DCAF7: variants seen among roughly 807,000 people sequenced by gnomAD.
DCAF7 encodes DDB1- and CUL4-associated factor 7.
A neutral mutation model predicts 41.2 loss-of-function variants in DCAF7; 4 were observed. That is an observed-to-expected ratio of 0.10 (90% CI 0.05 to 0.22). The LOEUF (loss-of-function observed/expected upper bound fraction) is 0.22. Ranked by LOEUF, DCAF7 falls within the 10% of genes least tolerant of loss-of-function variation. The pLI is 1.00. For missense variants in DCAF7, 131 were observed against 443.2 expected (o/e 0.30, Z 6.32); for synonymous variants, 143 against 164.2 (o/e 0.87, Z 0.99).
intron 1 of DCAF7, among the ~76,000 whole-genome samples, chr17:63,568,142 T>C (rs1032847545): frequency 6.6e-6 from 1 of 152,158 alleles, no homozygotes; most frequent in Non-Finnish European, 1.5e-5. Context: ...TGCCTCAGCC[T>C]CCCAAGTAGC....
At chr17:63,570,349 G>T (rs1030835955) in intron 1 of DCAF7, among the ~76,000 whole-genome samples, 3 of 152,014 alleles carry the variant, frequency 2.0e-5, no homozygotes, top group African/African-American at 4.8e-5. Flanking sequence ...AGCTACTCGG[G>T]AGGCTGAGGC....
Position 63,589,272 on chromosome 17 carries a change from C to A in DCAF7, c.*100C>A. On this transcript the variant is annotated 3_prime_UTR_variant, in exon 7 of 7. Coordinates refer to ENST00000614556, the MANE Select transcript of DCAF7 (RefSeq NM_005828.5). ...AACATGTTTCCAGTGGCCAGTATGT[C>A]TTTCATTGCTTTGCACCCACTGTTA... 6.8e-7 allele frequency: 1 copy of A among 1,472,294 alleles called. No homozygotes were observed. The allele number at this position is 1,472,294 out of a possible 1,614,324, so 91.2% of individuals were successfully genotyped here.
chr17:63,570,225 A>T (rs2033490854), intron 1 of DCAF7, among the ~76,000 whole-genome samples: 1 of 151,930 alleles, frequency 6.6e-6, no homozygotes. Flanking sequence ...AGGCCAATGC[A>T]GGCAGATTGC....
Position 63,575,305 on chromosome 17 carries a change from G to A in DCAF7, c.139-3165G>A, listed in dbSNP as rs187167687. Among the ~76,000 whole-genome samples, 19 of 152,302 alleles carry A rather than the reference G, an allele frequency of 1.2e-4. No individual in the cohort carries two copies. The East Asian group carries it at 3.5e-3, about 28-fold the overall frequency. On this transcript the variant is annotated intron_variant, in intron 1 of 6. Transcript: ENST00000614556. ...GAGATCATGCCCCTACACTCCAGCT[G>A]AGGCGACAGAGCGAGACTCAGTCTC...
chr17:63,551,752 G>A (rs1039946371), intron 1 of DCAF7, among the ~76,000 whole-genome samples: 1 of 151,860 alleles, frequency 6.6e-6, no homozygotes, highest in Non-Finnish European at 1.5e-5. Context: ...TCAGATTTAA[G>A]AAGAGTAAAA....
chr17:63,558,210 T>C (rs1018011942), intron 1 of DCAF7, among the ~76,000 whole-genome samples: 3 of 152,164 alleles, frequency 2.0e-5, no homozygotes, highest in African/African-American at 7.2e-5. Context: ...AACATTTCTA[T>C]GTTTTAAGGA....
chr17:63,564,168 C>CACACAT (rs1344638012), intron 1 of DCAF7, among the ~76,000 whole-genome samples: 2 of 150,782 alleles, frequency 1.3e-5, no homozygotes, highest in African/African-American at 4.9e-5. Context: ...CACACATACA[C>CACACAT]ATATATACAC....
At chr17:63,559,336 TAC>T (rs10546974) in intron 1 of DCAF7, among the ~76,000 whole-genome samples, 76,764 of 127,090 alleles carry the variant, frequency 0.6, 24,355 homozygotes, top group African/African-American at 0.78. Flanking sequence ...TATATATACA[TAC>T]ATATATATAC....
intron 6 of DCAF7, among the ~76,000 whole-genome samples, chr17:63,585,770 G>A (rs2033670099): frequency 6.6e-6 from 1 of 152,158 alleles, no homozygotes; most frequent in Admixed American, 6.5e-5. Context: ...ACAGAACTTT[G>A]CCTGGTTGTG....
chr17:63,582,641 T>C (rs1484311342), intron 4 of DCAF7, among the ~76,000 whole-genome samples: 2 of 152,076 alleles, frequency 1.3e-5, no homozygotes, highest in African/African-American at 4.8e-5. Flanking sequence ...GCTAATTTTT[T>C]TGTATTTTTA....
rs2033729462 is a variant in DCAF7 at position 63,591,113 on chromosome 17, GTT to G, written c.*1943_*1944del. 1 of 152,176 alleles carries G rather than the reference GTT, an allele frequency of 6.6e-6. No homozygotes were observed. The highest frequency in any genetic ancestry group is 6.5e-5 in the Admixed American group (1 of 15,272). The allele number at this position is 152,176 out of a possible 1,614,324, so 9.4% of individuals were successfully genotyped here. A position where few individuals can be genotyped will look rare whatever the true frequency, so the allele number is the denominator to read the frequency against. ...AGAACCCTCCTCTGCTTTTCATTGT[GTT>G]TGATAATGGTTACTGGGTCCTTCTC... On this transcript the variant is annotated 3_prime_UTR_variant, in exon 7 of 7. Transcript: ENST00000614556.
chr17:63,573,913 A>G (rs560669618), intron 1 of DCAF7, among the ~76,000 whole-genome samples: 1 of 152,076 alleles, frequency 6.6e-6, no homozygotes, highest in African/African-American at 2.4e-5. Context: ...TCCTTGATCC[A>G]GTCTGTCCCG....
At position 63,590,314 on chromosome 17, in the gene DCAF7, A is replaced by C. The variant is rs988181189; in HGVS notation, c.*1142A>C. The C allele has an allele frequency of 2.6e-5, 4 of 152,764 alleles. No individual in the cohort carries two copies. The highest frequency in any genetic ancestry group is 9.7e-5 in the African/African-American group (4 of 41,422). 9.5% of individuals were successfully genotyped at this position (152,764 alleles called of 1,614,324 possible). ...TGCTTCCAACCCTGAACAAGACCTT[A>C]CATGAGAGATGGACTGATGGACTGC... On this transcript the variant is annotated 3_prime_UTR_variant, in exon 7 of 7. Transcript: ENST00000614556.
chr17:63,553,296 CAA>C (rs779984881), intron 1 of DCAF7, among the ~76,000 whole-genome samples: 2 of 152,118 alleles, frequency 1.3e-5, no homozygotes, highest in Non-Finnish European at 2.9e-5. Context: ...CTCTTGCTGG[CAA>C]AGTCACAGAC....
At chr17:63,562,376 G>T (rs1472946204) in intron 1 of DCAF7, among the ~76,000 whole-genome samples, 1 of 152,112 alleles carries the variant, frequency 6.6e-6, no homozygotes, top group Admixed American at 6.5e-5. Context: ...GGCAGTGGGG[G>T]TGCGCACGGA....
chr17:63,561,935 A>G (rs936800784), intron 1 of DCAF7, among the ~76,000 whole-genome samples: 3 of 151,090 alleles, frequency 2.0e-5, no homozygotes, highest in African/African-American at 4.9e-5. Flanking sequence ...CCAAAGTCAT[A>G]TAAGGGGTAA....
intron 1 of DCAF7, among the ~76,000 whole-genome samples, chr17:63,567,949 G>A (rs2033462554): frequency 6.6e-6 from 1 of 151,972 alleles, no homozygotes; most frequent in Non-Finnish European, 1.5e-5. Context: ...ATAGTCATGA[G>A]CCACCGCACC....
At chr17:63,551,831 G>A (rs998072017) in intron 1 of DCAF7, among the ~76,000 whole-genome samples, 4 of 138,438 alleles carry the variant, frequency 2.9e-5, no homozygotes, top group Admixed American at 2.4e-4. Flanking sequence ...CGGATTACCT[G>A]AGCTCAGGAG....
rs766386806 is a variant in DCAF7 at position 63,579,817 on chromosome 17, G to A, written c.410-8G>A. On this transcript the variant is annotated splice_polypyrimidine_tract_variant and splice_region_variant and intron_variant, in intron 3 of 6. Coordinates refer to ENST00000614556, the MANE Select transcript of DCAF7 (RefSeq NM_005828.5). ...CCGTCAGCCCTGACTTGCACTGGTT[G>A]TTTGCAGGTACCTCAAGCATTGATA... 5 of 1,612,004 alleles carry A rather than the reference G, an allele frequency of 3.1e-6. No homozygotes were observed. The highest frequency in any genetic ancestry group is 2.5e-6 in the Non-Finnish European group (3 of 1,178,296).
Sources: allele counts gnomAD v4.1 joint callset (sites outside exome capture counted in the v4.1 genomes callset), GRCh38; gene constraint gnomAD v4.1.1; transcripts MANE v1.5; gene names NCBI Gene and HGNC (gene_info 2026-07-23, HGNC 2026-07-21).